VEGFD: variants seen among roughly 807,000 people sequenced by gnomAD.
The protein encoded by VEGFD is c-fos induced growth factor (vascular endothelial growth factor D).
In VEGFD, 26 loss-of-function variants were observed where a neutral mutation model predicts 28.0. The ratio of observed to expected loss-of-function variants is 0.93; its 90% CI spans 0.68 to 1.29. VEGFD has a LOEUF of 1.29. VEGFD is among the 50% of genes most tolerant of loss of function. The probability of loss-of-function intolerance (pLI) is 0.00; values close to 1 mark genes in which losing one functional copy is unlikely to be tolerated. For missense variants in VEGFD, 294 were observed against 273.4 expected, an observed-to-expected ratio of 1.08 and a Z score of -0.53; for synonymous variants, 93 against 95.5, an observed-to-expected ratio of 0.97 and a Z score of 0.15.
chrX:15,346,889 C>T, intron 6 of VEGFD, among the ~76,000 whole-genome samples: 1 of 110,649 alleles, frequency 9.0e-6, no homozygotes, highest in East Asian at 2.8e-4. Flanking sequence ...CCAGATCACG[C>T]CACTGCACTC....
chrX:15,367,423 G>T (rs1923173748), intron 1 of VEGFD, among the ~76,000 whole-genome samples: 1 of 111,969 alleles, frequency 8.9e-6, no homozygotes, highest in Admixed American at 9.5e-5. Flanking sequence ...GTCTCTGGCA[G>T]CTTTGAAATT....
intron 1 of VEGFD, among the ~76,000 whole-genome samples, chrX:15,365,995 A>AGTTTGTTTGTTTGTTTGTTT (rs569822664): frequency 1.7e-4 from 19 of 109,178 alleles, no homozygotes; most frequent in African/African-American, 4.7e-4. Context: ...TATTCTTCCT[A>AGTTTGTTTGTTTGTTTGTTT]GTTTGTTTGT....
At position 15,346,145 on chromosome X, in the gene VEGFD, T is replaced by C. The variant is rs1432277770; in HGVS notation, c.1053A>G (p.Arg351=). The change falls in exon 7 of 7, where the codon CGA becomes CGG. Residue 351 remains arginine (R), a synonymous_variant. Transcript: ENST00000297904. ...TTGGAACGCTGAATCAAGGATTCTT[T>C]CGGCTGTGGGGCCCCTGGGCAGCCC... is the stretch of plus-strand genomic sequence containing the variant. ...EKRAAQGPHS[R]KNP 1 of 1,210,892 alleles carries C rather than the reference T, an allele frequency of 8.3e-7. No homozygotes were observed. Among genetic ancestry groups the C allele is most frequent in the Non-Finnish European group, 1.1e-6 (1 of 895,165 alleles).
At chrX:15,372,488 AATCTACCT>A (rs770441597) in intron 1 of VEGFD, among the ~76,000 whole-genome samples, 1,128 of 111,440 alleles carry the variant, frequency 0.01, 12 homozygotes, top group African/African-American at 0.034. Context: ...CTTCTTCTTG[AATCTACCT>A]GGGAATAAGC....
Position 15,368,061 on chromosome X carries a change from GGAAA to G in VEGFD, c.91-4746_91-4743del, listed in dbSNP as rs376031506. On this transcript the variant is annotated intron_variant, in intron 1 of 6. Coordinates refer to ENST00000297904, the MANE Select transcript of VEGFD (RefSeq NM_004469.5). ...AAGAAAGAAAGAAAGAAGAAAGAAA[GGAAA>G]GAAAGAAAGAAAGAAAGAAAAGAAA... 4.6e-3 allele frequency among the ~76,000 whole-genome samples: 336 copies of G among 73,670 alleles called. 2 individuals carry two copies. Among genetic ancestry groups the G allele is most frequent in the Middle Eastern group, 0.019 (2 of 108 alleles). The allele number at this position is 73,670 out of a possible 115,157, so 64.0% of individuals were successfully genotyped here. A position where few individuals can be genotyped will look rare whatever the true frequency, so the allele number is the denominator to read the frequency against.
At chrX:15,357,507 TG>T (rs1415404396) in intron 3 of VEGFD, among the ~76,000 whole-genome samples, 6 of 111,576 alleles carry the variant, frequency 5.4e-5, no homozygotes, top group Non-Finnish European at 3.8e-5. Context: ...AGTCGAAGGG[TG>T]GGGAAATCTC....
intron 1 of VEGFD, among the ~76,000 whole-genome samples, chrX:15,383,304 T>A (rs1007674636): frequency 7.1e-5 from 8 of 112,323 alleles, no homozygotes; most frequent in Non-Finnish European, 1.3e-4. Context: ...AACCAAAGAT[T>A]TGATTAGTGT....
chrX:15,368,031 G>GAAAGAAAGAAAGAAAGAAAGAAAGAAAGA (rs753106829), intron 1 of VEGFD, among the ~76,000 whole-genome samples: 2 of 26,841 alleles, frequency 7.5e-5, no homozygotes, highest in Non-Finnish European at 1.3e-4. Context: ...AGAAAGAAAG[G>GAAAGAAAGAAAGAAAGAAAGAAAGAAAGA]AAAGAAGAAA....
intron 4 of VEGFD, 43 bp from the exon 5 acceptor site, chrX:15,353,211 G>T: frequency 1.3e-6 from 1 of 765,140 alleles, no homozygotes; most frequent in Non-Finnish European, 1.9e-6. Flanking sequence ...AGCTTTCAAG[G>T]ATAATCAAAA....
In VEGFD at chrX:15,350,843, T is replaced by TTCTTTC. The variant is rs1555947759; in HGVS notation, c.742+2224_742+2225insGAAAGA. Among the ~76,000 whole-genome samples the TTCTTTC allele has an allele frequency of 4.3e-5, 4 of 92,889 alleles. No individual in the cohort carries two copies. The East Asian group carries it at 1.3e-3, about 30-fold the overall frequency. The allele number at this position is 92,889 out of a possible 115,157, so 80.7% of individuals were successfully genotyped here. A position where few individuals can be genotyped will look rare whatever the true frequency, so the allele number is the denominator to read the frequency against. On this transcript the variant is annotated intron_variant, in intron 5 of 6. Coordinates refer to ENST00000297904, the MANE Select transcript of VEGFD (RefSeq NM_004469.5). The stretch of plus-strand genomic sequence containing the variant: ...TCTCTCTCTTTCTTTTCTTTTCTTT[T>TTCTTTC]TCTCTTTCTCTCTTTCTTTCTTTCT...
intron 3 of VEGFD, among the ~76,000 whole-genome samples, chrX:15,357,186 A>AG (rs1186710047): frequency 8.9e-6 from 1 of 112,165 alleles, no homozygotes; most frequent in Non-Finnish European, 1.9e-5. Flanking sequence ...TACTAAGCAA[A>AG]GGGAAATTTA....
intron 6 of VEGFD, 78 bp from the exon 7 acceptor site, chrX:15,346,337 T>A: frequency 9.4e-7 from 1 of 1,064,213 alleles, no homozygotes; most frequent in Non-Finnish European, 1.3e-6. Flanking sequence ...CTGATTTGAT[T>A]AAGTTTTCCA....
intron 2 of VEGFD, among the ~76,000 whole-genome samples, chrX:15,362,086 T>G (rs758754044): frequency 9.0e-6 from 1 of 111,592 alleles, no homozygotes. Flanking sequence ...CAGGCTGGTC[T>G]CGAACTCCTG....
intron 1 of VEGFD, among the ~76,000 whole-genome samples, chrX:15,370,740 C>T (rs1431884143): frequency 1.8e-5 from 2 of 111,419 alleles, no homozygotes; most frequent in African/African-American, 3.3e-5. Flanking sequence ...CAGATTCTGA[C>T]GCAGTGGGTT....
At chrX:15,371,787 T>C (rs1478585851) in intron 1 of VEGFD, among the ~76,000 whole-genome samples, 1 of 112,437 alleles carries the variant, frequency 8.9e-6, no homozygotes, top group African/African-American at 3.2e-5. Flanking sequence ...GTTCTATCAG[T>C]AGCGCCATTG....
At position 15,358,148 on chromosome X, in the gene VEGFD, G is replaced by A. The variant is rs746539096; in HGVS notation, c.347C>T (p.Thr116Met). The A allele has an allele frequency of 3.1e-5, 37 of 1,209,465 alleles. No homozygotes were observed. In the African/African-American group the frequency reaches 4.9e-4, roughly 16 times the overall value. The stretch of plus-strand genomic sequence containing the variant: ...CAGCTCACTGGCCACCTCCACGCAC[G>A]TTTCTCTAGGGCTGCACTGAGTTCT... ...WQRTQCSPRE[T>M]CVEVASELGK... Residue 116 changes from threonine (T) to methionine (M), a missense_variant, in exon 3 of 7, where the codon ACG (threonine) becomes ATG (methionine). Thr to Met is a moderately conservative substitution (Grantham distance 81). Transcript: ENST00000297904.
chrX:15,372,157 A>G (rs1160137287), intron 1 of VEGFD, among the ~76,000 whole-genome samples: 1 of 112,233 alleles, frequency 8.9e-6, no homozygotes, highest in Non-Finnish European at 1.9e-5. Context: ...AGATATTTGT[A>G]AATAGAATCA....
chrX:15,361,010 T>C (rs1923000121), intron 2 of VEGFD, among the ~76,000 whole-genome samples: 1 of 112,531 alleles, frequency 8.9e-6, no homozygotes, highest in African/African-American at 3.2e-5. Flanking sequence ...TACCTTGAAA[T>C]CCACAAGGGA....
chrX:15,360,716 TACTC>T (rs1283454090), intron 2 of VEGFD, among the ~76,000 whole-genome samples: 1 of 112,439 alleles, frequency 8.9e-6, no homozygotes, highest in Non-Finnish European at 1.9e-5. Flanking sequence ...AGAGATAAAT[TACTC>T]AATTAAGTAT....
Sources: gnomAD v4.1 joint callset for allele counts (sites outside exome capture counted in the v4.1 genomes callset) on GRCh38, gnomAD v4.1.1 for gene constraint, MANE v1.5 for transcripts, NCBI Gene and HGNC (gene_info 2026-07-23, HGNC 2026-07-21) for gene names.